The following MEIS3 variants were observed in gnomAD, a reference collection of about 807,000 sequenced individuals.
MEIS3 encodes the protein homeobox protein Meis3.
A neutral mutation model predicts 51.4 loss-of-function variants in MEIS3; 38 were observed. The observed-to-expected ratio is 0.74, with a 90% CI of 0.57 to 0.97. MEIS3 has a LOEUF of 0.97. Among genes scored for constraint, MEIS3 ranks in the 50% least tolerant of loss-of-function variants. The pLI is 0.00. For missense variants in MEIS3, 456 were observed against 502.6 expected, an observed-to-expected ratio of 0.91 and a Z score of 0.89; for synonymous variants, 198 against 201.8, an observed-to-expected ratio of 0.98 and a Z score of 0.16.
At chr19:47,417,963 C>T (rs1971543297) in intron 1 of MEIS3, 2 of 500,544 alleles carry the variant, frequency 4.0e-6, no homozygotes, top group Non-Finnish European at 7.0e-6. Flanking sequence ...AGCCCAACAC[C>T]AGGCACAAGA....
chr19:47,414,913 G>A, intron 5 of MEIS3, 47 bp from the exon 6 acceptor site: 2 of 1,291,810 alleles, frequency 1.5e-6, no homozygotes, highest in Non-Finnish European at 1.1e-6. Flanking sequence ...CGGGGGCAGG[G>A]CGGGGGTGCT....
At chr19:47,414,903 C>CG in intron 5 of MEIS3, 37 bp from the exon 6 acceptor site, 6 of 497,744 alleles carry the variant, frequency 1.2e-5, no homozygotes, top group East Asian at 8.2e-5. Flanking sequence ...GGGCCACCCA[C>CG]GGGGGCAGGG....
intron 3 of MEIS3, 43 bp from the exon 4 acceptor site, chr19:47,416,745 C>A (rs1971434477): frequency 2.5e-6 from 4 of 1,611,750 alleles, no homozygotes; most frequent in Non-Finnish European, 3.4e-6. Context: ...GTCCCGCCTT[C>A]CACCCACCCC....
At chr19:47,416,518 G>A (rs187770553) in intron 4 of MEIS3, 134 bp downstream of exon 4, 23 of 740,186 alleles carry the variant, frequency 3.1e-5, no homozygotes, top group Middle Eastern at 3.9e-4. Flanking sequence ...CGGCACGTGG[G>A]CAACAATCAT....
In MEIS3 at chr19:47,417,117, G is replaced by C. The variant is rs990641494; in HGVS notation, c.185+61C>G. The C allele has an allele frequency of 1.2e-5, 18 of 1,540,640 alleles. No homozygotes were observed. The South Asian group carries it at 2.2e-4, about 19-fold the overall frequency. On this transcript the variant is annotated intron_variant, in intron 2 of 12. Transcript: ENST00000558555. ...AGAGAGAGACAGAAGCAGACCCAGG[G>C]AGCAAAGAAGCAGAAAGACAGAGAG...
Position 47,409,440 on chromosome 19 carries a change from G to C in MEIS3, c.705C>G (p.Asp235Glu). ...TCCACCTCCCAAGATTCTCACCTTG[G>C]TCACTGGAGTTGTCCCCACTCTGGG... The part of the protein sequence containing the change: ...LASQSGDNSS[D>E]QGDGLDTSVA... The change falls in exon 7 of 13, where the codon GAC becomes GAG. Residue 235 changes from aspartate (D) to glutamate (E), a missense_variant. Transcript: ENST00000558555. 1 of 1,612,994 alleles carries C rather than the reference G, an allele frequency of 6.2e-7. No homozygotes were observed. Among genetic ancestry groups the C allele is most frequent in the Non-Finnish European group, 8.5e-7 (1 of 1,179,002 alleles).
chr19:47,408,135 CTCT>C (rs1178075917), intron 8 of MEIS3, among the ~76,000 whole-genome samples: 6 of 151,456 alleles, frequency 4.0e-5, no homozygotes. Context: ...TTCTCTTTCT[CTCT>C]TTTTTTTAAA....
At position 47,419,109 on chromosome 19, in the gene MEIS3, T is replaced by C; in HGVS notation, c.-28A>G. ...GCTGAGGCCGGCGGCAGCTCCTGGGTCCCTCCAGAGCCTGGCCGCGGGGGA... is the reference window on the plus strand; with the variant it reads ...GCTGAGGCCGGCGGCAGCTCCTGGGCCCCTCCAGAGCCTGGCCGCGGGGGA... On this transcript the variant is annotated 5_prime_UTR_variant, in exon 1 of 13. Transcript: ENST00000558555. 2 of 1,234,132 alleles carry C rather than the reference T, an allele frequency of 1.6e-6. No homozygotes were observed. Among genetic ancestry groups the C allele is most frequent in the Non-Finnish European group, 2.0e-6 (2 of 990,072 alleles). The allele number at this position is 1,234,132 out of a possible 1,614,324, so 76.4% of individuals were successfully genotyped here. A position where few individuals can be genotyped will look rare whatever the true frequency, so the allele number is the denominator to read the frequency against.
At chr19:47,417,716 G>A (rs1971521775) in intron 1 of MEIS3, 2 of 698,916 alleles carry the variant, frequency 2.9e-6, no homozygotes, top group Non-Finnish European at 2.6e-6. Context: ...CCTCCTGTAG[G>A]AACCGCGCAT....
Position 47,406,921 on chromosome 19 carries a change from C to A in MEIS3, c.1045G>T (p.Glu349Ter). Residue 349 changes from glutamate to a stop codon, truncating the protein, a stop_gained, in exon 11 of 13, where the codon GAG becomes TAG. Coordinates refer to ENST00000558555, the MANE Select transcript of MEIS3 (RefSeq NM_001301059.2). LOFTEE classifies it high-confidence loss of function. ...CGGACGGCCACGTGTGGCTGCGTCT[C>A]GGTATAGCCCCCGATGGGCTGGCCC... The part of the protein sequence containing the change: ...PEGQPIGGYT[E>*]TQPHVAVRPP... The A allele has an allele frequency of 6.3e-7, 1 of 1,579,050 alleles. No individual in the cohort carries two copies.
intron 12 of MEIS3, 32 bp downstream of exon 12, chr19:47,406,428 T>C: frequency 6.3e-7 from 1 of 1,588,848 alleles, no homozygotes; most frequent in Non-Finnish European, 8.6e-7. Flanking sequence ...GGTTTGAGAA[T>C]TGCACAATCC....
chr19:47,417,037 C>T lies in MEIS3; in HGVS notation c.186-74G>A, dbSNP rs370876972. The T allele has an allele frequency of 9.1e-6, 14 of 1,541,654 alleles. No homozygotes were observed. The East Asian group carries it at 3.4e-4, about 38-fold the overall frequency. On this transcript the variant is annotated intron_variant, in intron 2 of 12. Coordinates refer to ENST00000558555, the MANE Select transcript of MEIS3 (RefSeq NM_001301059.2). ...ATGGAGGGGCTGCCAAGATGCAGAACAGCTGGGGAGGGGACAAGAGACCCA... is the reference window on the plus strand; with the variant it reads ...ATGGAGGGGCTGCCAAGATGCAGAATAGCTGGGGAGGGGACAAGAGACCCA...
intron 4 of MEIS3, chr19:47,415,736 G>C (rs938007293): frequency 6.6e-6 from 1 of 151,984 alleles, no homozygotes; most frequent in Non-Finnish European, 1.5e-5. Context: ...ACTGTGCCCA[G>C]CTAATTTTTG....
chr19:47,415,192 G>A (rs1420668808), intron 4 of MEIS3, 91 bp from the exon 5 acceptor site: 3 of 783,444 alleles, frequency 3.8e-6, no homozygotes, highest in Non-Finnish European at 4.4e-6. Flanking sequence ...GGAGGAAGAG[G>A]AGACACAGAG....
intron 12 of MEIS3, chr19:47,406,090 T>C (rs912808899): frequency 5.7e-6 from 1 of 176,970 alleles, no homozygotes; most frequent in Admixed American, 6.2e-5. Flanking sequence ...GATGAGTGGG[T>C]TGGCGAGTGG....
intron 11 of MEIS3, 119 bp from the exon 12 acceptor site, chr19:47,406,645 TAAG>T: frequency 1.9e-6 from 2 of 1,060,224 alleles, no homozygotes; most frequent in South Asian, 2.8e-5. Context: ...GACTGAGTCA[TAAG>T]AAGGTGCTGG....
chr19:47,418,083 C>T (rs934762262), intron 1 of MEIS3: 2 of 234,306 alleles, frequency 8.5e-6, no homozygotes, highest in African/African-American at 4.5e-5. Flanking sequence ...GGTCACTCCG[C>T]ACCACCATAC....
intron 4 of MEIS3, 42 bp downstream of exon 4, chr19:47,416,610 A>G (rs1344060191): frequency 6.9e-7 from 1 of 1,447,342 alleles, no homozygotes; most frequent in Admixed American, 2.6e-5. Context: ...AGGGAAGGAG[A>G]CCCATTGGAG....
At chr19:47,410,667 G>C (rs1971089884) in intron 6 of MEIS3, among the ~76,000 whole-genome samples, 4 of 152,168 alleles carry the variant, frequency 2.6e-5, no homozygotes, top group South Asian at 2.1e-4. Context: ...TCGGGAGGCT[G>C]AGGCAGGAGA....
Sources: allele counts gnomAD v4.1 joint callset (sites outside exome capture counted in the v4.1 genomes callset), GRCh38; gene constraint gnomAD v4.1.1; transcripts MANE v1.5; gene names NCBI Gene and HGNC (gene_info 2026-07-23, HGNC 2026-07-21).